NELL1: variants seen among roughly 807,000 people sequenced by gnomAD.
The protein encoded by NELL1 is protein kinase C-binding protein NELL1.
Under a neutral mutation model 107.4 loss-of-function variants are expected in NELL1, and 76 were observed. That is an observed-to-expected ratio of 0.71 (90% CI 0.59 to 0.86). The LOEUF is 0.86. NELL1 is among the 40% of genes least tolerant of loss of function. The pLI, the probability that NELL1 is intolerant of heterozygous loss-of-function variation, is 0.00. For synonymous variants in NELL1, 353 were observed against 341.2 expected, an observed-to-expected ratio of 1.03 and a Z score of -0.38; for missense variants, 1,024 against 1,005.5, an observed-to-expected ratio of 1.02 and a Z score of -0.25.
chr11:20,844,982 A>T (rs1445225146), intron 3 of NELL1, among the ~76,000 whole-genome samples: 1 of 152,224 alleles, frequency 6.6e-6, no homozygotes, highest in East Asian at 1.9e-4. Flanking sequence ...TTTGTAGAGC[A>T]TTACTGCCTG....
At chr11:21,343,725 G>T (rs1378089785) in intron 14 of NELL1, among the ~76,000 whole-genome samples, 1 of 152,102 alleles carries the variant, frequency 6.6e-6, no homozygotes, top group East Asian at 1.9e-4. Flanking sequence ...CTTCACTGTG[G>T]TTCCAATAGT....
chr11:20,899,977 T>C (rs978049602), intron 5 of NELL1, among the ~76,000 whole-genome samples: 20 of 152,174 alleles, frequency 1.3e-4, no homozygotes, highest in Non-Finnish European at 2.4e-4. Flanking sequence ...GCTTTTGATA[T>C]ACAGCAAATC....
intron 9 of NELL1, among the ~76,000 whole-genome samples, chr11:20,931,291 T>A (rs922103938): frequency 3.3e-5 from 5 of 152,122 alleles, no homozygotes; most frequent in African/African-American, 1.2e-4. Context: ...TTTTGAACCT[T>A]CTAGAAGTTG....
At chr11:21,217,019 C>A (rs559577238) in intron 13 of NELL1, among the ~76,000 whole-genome samples, 1 of 152,130 alleles carries the variant, frequency 6.6e-6, no homozygotes, top group Non-Finnish European at 1.5e-5. Flanking sequence ...AGGAGGGACC[C>A]AGTGGGAAGT....
intron 12 of NELL1, among the ~76,000 whole-genome samples, chr11:21,030,622 A>ATTTTTTTTTTTTTTTTTTTTTTCTTTTT (rs201033870): frequency 1.7e-5 from 2 of 120,124 alleles, no homozygotes; most frequent in Non-Finnish European, 3.7e-5. Flanking sequence ...ATTTTCTTGT[A>ATTTTTTTTTTTTTTTTTTTTTTCTTTTT]TTTTTTTTTT....
intron 2 of NELL1, among the ~76,000 whole-genome samples, chr11:20,757,091 C>CT (rs1243559751): frequency 6.6e-6 from 1 of 151,920 alleles, no homozygotes; most frequent in Non-Finnish European, 1.5e-5. Context: ...TCTCTCCCAA[C>CT]TTTTTTTCTC....
At position 21,032,046 on chromosome 11, in the gene NELL1, AAATAATAATAATAAT is replaced by A. The variant is rs373787726; in HGVS notation, c.1300+71511_1300+71525del. ...GGCGACAGAGTGAGACTCCATGTCA[AAATAATAATAATAAT>A]AATAATAATAATAATAATAATAATG... is the stretch of plus-strand genomic sequence containing the variant. On this transcript the variant is annotated intron_variant, in intron 12 of 19. Coordinates refer to ENST00000357134, the MANE Select transcript of NELL1 (RefSeq NM_006157.5). Among the ~76,000 whole-genome samples, 1,231 of 145,510 alleles carry A rather than the reference AAATAATAATAATAAT, an allele frequency of 8.5e-3. 19 individuals carry two copies. The highest frequency in any genetic ancestry group is 0.029 in the African/African-American group (1,164 of 39,606).
At chr11:21,096,750 G>A (rs1020883105) in intron 12 of NELL1, among the ~76,000 whole-genome samples, 5 of 151,696 alleles carry the variant, frequency 3.3e-5, no homozygotes, top group South Asian at 2.1e-4. Context: ...TTTTTGATAC[G>A]GGGTCTCACT....
intron 12 of NELL1, among the ~76,000 whole-genome samples, chr11:20,986,173 C>T (rs1432233507): frequency 3.9e-5 from 6 of 152,152 alleles, no homozygotes; most frequent in African/African-American, 1.4e-4. Context: ...ACCCAGCCCT[C>T]TTTACAAGCC....
chr11:21,458,361 A>G (rs897792776), intron 15 of NELL1, among the ~76,000 whole-genome samples: 1 of 152,196 alleles, frequency 6.6e-6, no homozygotes, highest in Non-Finnish European at 1.5e-5. Context: ...AAGTCTACAT[A>G]TAGAATTCCA....
At chr11:21,435,509 T>C (rs1853087369) in intron 15 of NELL1, among the ~76,000 whole-genome samples, 4 of 151,680 alleles carry the variant, frequency 2.6e-5, no homozygotes, top group Admixed American at 2.6e-4. Context: ...TTTTGTTTTT[T>C]TTTACCATGA....
At chr11:21,313,019 T>A (rs996489475) in intron 14 of NELL1, among the ~76,000 whole-genome samples, 1 of 151,282 alleles carries the variant, frequency 6.6e-6, no homozygotes, top group Non-Finnish European at 1.5e-5. Flanking sequence ...GAGATTGCAA[T>A]GAGCCAAGAT....
chr11:21,248,504 T>C (rs1210287046), intron 14 of NELL1, among the ~76,000 whole-genome samples: 1 of 152,138 alleles, frequency 6.6e-6, no homozygotes, highest in African/African-American at 2.4e-5. Flanking sequence ...GGCCACTGTT[T>C]AGATTAGTCT....
intron 16 of NELL1, among the ~76,000 whole-genome samples, chr11:21,554,741 A>G (rs891354728): frequency 4.0e-5 from 6 of 151,890 alleles, no homozygotes; most frequent in Non-Finnish European, 8.8e-5. Context: ...TTTCTACATA[A>G]TGGGACCAAG....
intron 17 of NELL1, among the ~76,000 whole-genome samples, chr11:21,564,764 A>G (rs921087200): frequency 6.6e-6 from 1 of 151,944 alleles, no homozygotes; most frequent in African/African-American, 2.4e-5. Context: ...ACAGTATTCC[A>G]TGTTATAATA....
chr11:21,181,162 C>T lies in NELL1; in HGVS notation c.1427-48170C>T, dbSNP rs541670872. 3.3e-5 allele frequency among the ~76,000 whole-genome samples: 5 copies of T among 151,884 alleles called. No individual in the cohort carries two copies. The East Asian group carries it at 9.7e-4, about 29-fold the overall frequency. Reference sequence around the variant, plus strand: ...TTTATTTGTCATCATTGAGATTTTGCTGGCTTTCATTTGGCTGACATGTGA... The same window carrying T: ...TTTATTTGTCATCATTGAGATTTTGTTGGCTTTCATTTGGCTGACATGTGA... On this transcript the variant is annotated intron_variant, in intron 13 of 19. Coordinates refer to ENST00000357134, the MANE Select transcript of NELL1 (RefSeq NM_006157.5).
At chr11:20,848,796 A>C (rs1449933615) in intron 4 of NELL1, among the ~76,000 whole-genome samples, 1 of 152,300 alleles carries the variant, frequency 6.6e-6, no homozygotes, top group East Asian at 1.9e-4. Context: ...CTAGCTCTGC[A>C]GTCTCTTTTA....
chr11:20,804,946 ATCTGGG>A (rs1857351152), intron 3 of NELL1, among the ~76,000 whole-genome samples: 2 of 152,230 alleles, frequency 1.3e-5, no homozygotes, highest in Non-Finnish European at 2.9e-5. Flanking sequence ...TGCTTTACAC[ATCTGGG>A]TGTTCCAGTG....
chr11:21,294,257 C>T (rs1849330143), intron 14 of NELL1, among the ~76,000 whole-genome samples: 1 of 152,066 alleles, frequency 6.6e-6, no homozygotes, highest in African/African-American at 2.4e-5. Context: ...TGGTTCCCTT[C>T]ATTCATCTAG....
Sources: gnomAD v4.1 joint callset for allele counts (sites outside exome capture counted in the v4.1 genomes callset) on GRCh38, gnomAD v4.1.1 for gene constraint, MANE v1.5 for transcripts, NCBI Gene and HGNC (gene_info 2026-07-23, HGNC 2026-07-21) for gene names.